The following TBC1D1 variants were observed in gnomAD, a reference collection of about 807,000 sequenced individuals.
TBC1D1 encodes TBC1 domain family member 1, also known as TBC1 (tre-2/USP6, BUB2, cdc16) domain family, member 1.
Under a neutral mutation model 125.6 loss-of-function variants are expected in TBC1D1, and 89 were observed. That is an observed-to-expected ratio of 0.71 (90% CI 0.60 to 0.85). The LOEUF (loss-of-function observed/expected upper bound fraction) is 0.85. Ranked by LOEUF, TBC1D1 falls within the 40% of genes least tolerant of loss-of-function variation. The pLI, the probability that TBC1D1 is intolerant of heterozygous loss-of-function variation, is 0.00. For missense variants in TBC1D1, 1,377 were observed against 1,469.2 expected, an observed-to-expected ratio of 0.94 and a Z score of 1.03; for synonymous variants, 565 against 564.1, an observed-to-expected ratio of 1.00 and a Z score of -0.02.
At chr4:37,986,818 G>T (rs1257463654) in intron 2 of TBC1D1, among the ~76,000 whole-genome samples, 1 of 148,324 alleles carries the variant, frequency 6.7e-6, no homozygotes, top group African/African-American at 2.5e-5. Context: ...AGGAGAGGAA[G>T]CCTGAGTAGT....
At position 37,960,454 on chromosome 4, in the gene TBC1D1, T is replaced by C. The variant is rs755847196; in HGVS notation, c.418-54055T>C. ...TCCAGAATGGCTACTCTGATCTACG[T>C]TGATAAGGAAATTGGAGAACCAGGC... On this transcript the variant is annotated intron_variant, in intron 2 of 19. Transcript: ENST00000261439. 4 of 1,613,742 alleles carry C rather than the reference T, an allele frequency of 2.5e-6. No individual in the cohort carries two copies. The South Asian group carries it at 3.3e-5, about 13-fold the overall frequency.
intron 2 of TBC1D1, among the ~76,000 whole-genome samples, chr4:38,006,474 A>ATT (rs71190940): frequency 0.02 from 2,041 of 101,260 alleles, 92 homozygotes; most frequent in African/African-American, 0.037. Context: ...GACCAACACT[A>ATT]TTTTTTTTTT....
chr4:38,096,944 T>A (rs145978282), intron 14 of TBC1D1, among the ~76,000 whole-genome samples: 39 of 152,312 alleles, frequency 2.6e-4, no homozygotes, highest in African/African-American at 8.9e-4. Context: ...AAGCTTACCT[T>A]CAGTCATTAT....
At chr4:38,041,716 G>A (rs1748415291) in intron 8 of TBC1D1, among the ~76,000 whole-genome samples, 1 of 152,224 alleles carries the variant, frequency 6.6e-6, no homozygotes, top group Non-Finnish European at 1.5e-5. Flanking sequence ...TGTACAGTAT[G>A]ACACCATTCA....
intron 2 of TBC1D1, among the ~76,000 whole-genome samples, chr4:38,008,909 A>G (rs187225412): frequency 2.1e-3 from 318 of 152,352 alleles, no homozygotes; most frequent in Admixed American, 4.2e-3. Context: ...TACTCATTGT[A>G]GGAGGCATAT....
At chr4:38,023,338 G>C (rs1744448112) in intron 6 of TBC1D1, among the ~76,000 whole-genome samples, 2 of 151,750 alleles carry the variant, frequency 1.3e-5, no homozygotes, top group South Asian at 4.2e-4. Flanking sequence ...AAAAAATATA[G>C]TAAAAACATA....
intron 12 of TBC1D1, among the ~76,000 whole-genome samples, chr4:38,081,620 T>C (rs1484010497): frequency 6.6e-6 from 1 of 152,216 alleles, no homozygotes; most frequent in Non-Finnish European, 1.5e-5. Flanking sequence ...GATTATCTTT[T>C]TTAGAACAAA....
chr4:38,088,644 AT>A (rs1236958753), intron 12 of TBC1D1, among the ~76,000 whole-genome samples: 3 of 151,494 alleles, frequency 2.0e-5, no homozygotes, highest in African/African-American at 7.3e-5. Context: ...AATAAGAGCT[AT>A]TTTTTTTATT....
At position 38,126,871 on chromosome 4, in the gene TBC1D1, CA is replaced by C. The variant is rs1382188088; in HGVS notation, c.3132+1741del. On this transcript the variant is annotated intron_variant, in intron 18 of 19. Coordinates refer to ENST00000261439, the MANE Select transcript of TBC1D1 (RefSeq NM_015173.4). The stretch of plus-strand genomic sequence containing the variant: ...TCAAAGTGCTTTAGCAGCTCTCCTA[CA>C]CTGCCAAGAGCCTCTGGAGGTCATT... Among the ~76,000 whole-genome samples the C allele has an allele frequency of 2.0e-5, 3 of 152,210 alleles. No homozygotes were observed. In the East Asian group the frequency reaches 5.8e-4, roughly 29 times the overall value.
At chr4:37,897,136 T>C (rs904829529) in intron 1 of TBC1D1, among the ~76,000 whole-genome samples, 1 of 152,166 alleles carries the variant, frequency 6.6e-6, no homozygotes, top group Middle Eastern at 3.2e-3. Context: ...TAAAGAATGG[T>C]CAAAGGTTGA....
intron 1 of TBC1D1, among the ~76,000 whole-genome samples, chr4:37,899,785 G>C (rs1337799970): frequency 2.0e-5 from 3 of 152,188 alleles, no homozygotes; most frequent in Non-Finnish European, 4.4e-5. Flanking sequence ...TATGTGGAAA[G>C]AAACAACCAG....
chr4:38,002,349 G>GA (rs1739246186), intron 2 of TBC1D1, among the ~76,000 whole-genome samples: 1 of 152,130 alleles, frequency 6.6e-6, no homozygotes, highest in Non-Finnish European at 1.5e-5. Context: ...CAGCTGTCTA[G>GA]AAAAATCTTA....
Position 38,015,563 on chromosome 4 carries a change from C to T in TBC1D1, c.882+590C>T, listed in dbSNP as rs535007828. ...CCCAGGTGGGTGGGGTTCCTGGTTCCATGCTGATCTGGGCTCTTCTGAATG... is the reference window on the plus strand; with the variant it reads ...CCCAGGTGGGTGGGGTTCCTGGTTCTATGCTGATCTGGGCTCTTCTGAATG... On this transcript the variant is annotated intron_variant, in intron 3 of 19. Coordinates refer to ENST00000261439, the MANE Select transcript of TBC1D1 (RefSeq NM_015173.4). Among the ~76,000 whole-genome samples the T allele has an allele frequency of 4.8e-4, 73 of 152,006 alleles. 2 individuals carry two copies. Among genetic ancestry groups the T allele is most frequent in the African/African-American group, 1.6e-3 (67 of 41,438 alleles).
intron 10 of TBC1D1, among the ~76,000 whole-genome samples, 173 bp from the exon 11 acceptor site, chr4:38,049,445 G>A (rs909424254): frequency 6.6e-6 from 1 of 152,196 alleles, no homozygotes; most frequent in African/African-American, 2.4e-5. Context: ...TGAGGAGCGG[G>A]CATTTATTTA....
intron 2 of TBC1D1, among the ~76,000 whole-genome samples, chr4:37,913,540 G>T (rs770191023): frequency 6.6e-6 from 1 of 151,720 alleles, no homozygotes; most frequent in South Asian, 2.1e-4. Context: ...CAGAGGTTGC[G>T]GTGAGCTGAG....
chr4:37,940,660 T>C (rs1269254949), intron 2 of TBC1D1, among the ~76,000 whole-genome samples: 1 of 152,212 alleles, frequency 6.6e-6, no homozygotes. Flanking sequence ...GGCTGTGAGT[T>C]TGTCATAGAT....
Position 38,060,369 on chromosome 4 carries a change from G to A in TBC1D1, c.2050+6031G>A, listed in dbSNP as rs552681332. Among the ~76,000 whole-genome samples the A allele has an allele frequency of 1.1e-4, 16 of 152,224 alleles. No individual in the cohort carries two copies. The South Asian group carries it at 2.5e-3, about 24-fold the overall frequency. Reference sequence around the variant, plus strand: ...AGTGTAAAAGCATTCTTACTTCTCCGCAACCTCACCAGCATCTGTTGTTTC... The same window carrying A: ...AGTGTAAAAGCATTCTTACTTCTCCACAACCTCACCAGCATCTGTTGTTTC... On this transcript the variant is annotated intron_variant, in intron 12 of 19. Transcript: ENST00000261439.
At chr4:37,921,870 A>G (rs1721068162) in intron 2 of TBC1D1, among the ~76,000 whole-genome samples, 1 of 151,156 alleles carries the variant, frequency 6.6e-6, no homozygotes, top group Admixed American at 6.6e-5. Flanking sequence ...CAAGCAGTTA[A>G]GACTACAGGC....
chr4:38,093,385 A>G (rs1301069381), intron 13 of TBC1D1, among the ~76,000 whole-genome samples: 3 of 152,120 alleles, frequency 2.0e-5, no homozygotes, highest in Non-Finnish European at 2.9e-5. Context: ...ACCTCACTCC[A>G]TTGTAGGCAC....
Sources: allele counts gnomAD v4.1 joint callset (sites outside exome capture counted in the v4.1 genomes callset), GRCh38; gene constraint gnomAD v4.1.1; transcripts MANE v1.5; gene names NCBI Gene and HGNC (gene_info 2026-07-23, HGNC 2026-07-21).